DNAH3: variants seen among roughly 807,000 people sequenced by gnomAD.
The protein encoded by DNAH3 is axonemal beta dynein heavy chain 3.
A neutral mutation model predicts 432.5 loss-of-function variants in DNAH3; 332 were observed. The observed-to-expected ratio is 0.77, with a 90% CI of 0.70 to 0.84. The LOEUF (loss-of-function observed/expected upper bound fraction) is 0.84, where lower values mean the gene tolerates loss of function less well. Ranked by LOEUF, DNAH3 falls within the 40% of genes least tolerant of loss-of-function variation. The pLI is 0.00. For synonymous variants in DNAH3, 1,956 were observed against 1,900.2 expected, an observed-to-expected ratio of 1.03 and a Z score of -0.76; for missense variants, 4,861 against 5,114.0, an observed-to-expected ratio of 0.95 and a Z score of 1.51.
chr16:21,110,033 T>C (rs529311280), intron 14 of DNAH3, among the ~76,000 whole-genome samples: 18 of 152,318 alleles, frequency 1.2e-4, no homozygotes, highest in African/African-American at 4.3e-4. Context: ...GTTGGGACTA[T>C]AGACGTCAGC....
chr16:20,963,551 C>T (rs762795934), exon 53 of DNAH3: 1 of 1,614,112 alleles, frequency 6.2e-7, no homozygotes. Context: ...AGCTTCCATT[C>T]ACCCAGGTTC....
intron 18 of DNAH3, 137 bp downstream of exon 18, chr16:21,097,218 G>T: frequency 9.9e-7 from 1 of 1,007,496 alleles, no homozygotes; most frequent in Non-Finnish European, 1.5e-6. Flanking sequence ...TTTTGACTGT[G>T]GCTGCCTTAA....
At chr16:21,031,491 C>T (rs1001862590) in intron 36 of DNAH3, among the ~76,000 whole-genome samples, 1 of 151,982 alleles carries the variant, frequency 6.6e-6, no homozygotes, top group Admixed American at 6.6e-5. Context: ...AATCCCAATA[C>T]TCAGGGAGGC....
At chr16:21,112,792 A>T (rs1319519022) in intron 12 of DNAH3, among the ~76,000 whole-genome samples, 1 of 152,038 alleles carries the variant, frequency 6.6e-6, no homozygotes, top group African/African-American at 2.4e-5. Context: ...CTCTTGCATC[A>T]ATATAACCTG....
chr16:21,075,375 A>G (rs1454349458), intron 21 of DNAH3, 72 bp downstream of exon 21: 3 of 1,051,470 alleles, frequency 2.9e-6, no homozygotes, highest in Admixed American at 1.7e-5. Flanking sequence ...TTCTGAATGA[A>G]TCGTTTCTGT....
chr16:21,152,443 C>T (rs959633864), intron 1 of DNAH3, among the ~76,000 whole-genome samples: 2 of 152,244 alleles, frequency 1.3e-5, no homozygotes, highest in African/African-American at 2.4e-5. Context: ...TGGCAGTCCT[C>T]ACAGCCCTCG....
At chr16:21,144,600 A>T (rs1032973758) in intron 3 of DNAH3, among the ~76,000 whole-genome samples, 2 of 152,222 alleles carry the variant, frequency 1.3e-5, no homozygotes, top group African/African-American at 4.8e-5. Flanking sequence ...CTGAAATTGT[A>T]AGATAACAAA....
chr16:21,104,657 G>T, intron 15 of DNAH3, 63 bp from the exon 16 acceptor site: 1 of 930,472 alleles, frequency 1.1e-6, no homozygotes, highest in Non-Finnish European at 1.7e-6. Context: ...AGCATGTGGC[G>T]AATTAATTAG....
chr16:21,063,834 A>G (rs935366760), intron 24 of DNAH3, among the ~76,000 whole-genome samples: 2 of 152,132 alleles, frequency 1.3e-5, no homozygotes, highest in African/African-American at 4.8e-5. Context: ...GAGCCACTGC[A>G]CTCAGCCCTT....
At chr16:21,024,208 A>G (rs1466860525) in intron 39 of DNAH3, among the ~76,000 whole-genome samples, 3 of 152,182 alleles carry the variant, frequency 2.0e-5, no homozygotes, top group Non-Finnish European at 4.4e-5. Flanking sequence ...AGGGATGGGA[A>G]TTGGCAGCAC....
chr16:20,940,226 GT>G (rs201884809), intron 59 of DNAH3, among the ~76,000 whole-genome samples: 1 of 151,666 alleles, frequency 6.6e-6, no homozygotes, highest in South Asian at 2.1e-4. Flanking sequence ...GAATCTCAGA[GT>G]TTTTTTTTAT....
exon 7 of DNAH3, chr16:21,134,440 T>C (rs765799634): frequency 3.1e-6 from 5 of 1,613,880 alleles, no homozygotes; most frequent in Non-Finnish European, 4.2e-6. Flanking sequence ...ATTGGGTCCA[T>C]GAGGATGTAA....
exon 20 of DNAH3, chr16:21,081,696 G>C (rs755980166): frequency 6.2e-6 from 10 of 1,613,884 alleles, no homozygotes; most frequent in Middle Eastern, 1.7e-4. Flanking sequence ...CGTTTCGGTG[G>C]GCTTTATCTC....
At chr16:20,954,222 C>A (rs1331887396) in intron 55 of DNAH3, among the ~76,000 whole-genome samples, 13 of 116,586 alleles carry the variant, frequency 1.1e-4, no homozygotes, top group Non-Finnish European at 1.5e-4. Flanking sequence ...GACCCTATCT[C>A]AAAAAAAAAA....
chr16:21,050,323 A>T (rs974295073), intron 29 of DNAH3, among the ~76,000 whole-genome samples: 1 of 152,260 alleles, frequency 6.6e-6, no homozygotes, highest in Admixed American at 6.5e-5. Context: ...ATAAATGAAT[A>T]CATGCATACC....
At chr16:20,979,651 CTG>C (rs1472360667) in intron 49 of DNAH3, 105 bp from the exon 50 acceptor site, 1 of 1,004,162 alleles carries the variant, frequency 1.0e-6, no homozygotes, top group Non-Finnish European at 1.5e-6. Flanking sequence ...CATACACTGA[CTG>C]TGACACGTTA....
intron 44 of DNAH3, 69 bp downstream of exon 44, chr16:20,997,214 C>A (rs747076800): frequency 5.2e-5 from 80 of 1,540,016 alleles, no homozygotes; most frequent in Non-Finnish European, 6.9e-5. Context: ...ACCAACCCAC[C>A]TTTCATAAAG....
intron 27 of DNAH3, among the ~76,000 whole-genome samples, chr16:21,055,257 T>C (rs2090091274): frequency 6.6e-6 from 1 of 152,194 alleles, no homozygotes; most frequent in Non-Finnish European, 1.5e-5. Context: ...GGTTTTGCCA[T>C]GTTGGCCAGG....
chr16:21,138,810 A>AC (rs1567859187), intron 5 of DNAH3, among the ~76,000 whole-genome samples: 2 of 83,068 alleles, frequency 2.4e-5, no homozygotes, highest in East Asian at 5.8e-4. Context: ...ACTCCCTCTA[A>AC]TAAAAAAAAA....
Sources: gnomAD v4.1 joint callset for allele counts (sites outside exome capture counted in the v4.1 genomes callset) on GRCh38, gnomAD v4.1.1 for gene constraint, MANE v1.5 for transcripts, NCBI Gene and HGNC (gene_info 2026-07-23, HGNC 2026-07-21) for gene names.